Variants in RBFOX1 observed in about 807,000 individuals in gnomAD.
RBFOX1 encodes the protein RNA binding fox-1 homolog 1.
A neutral mutation model predicts 57.7 loss-of-function variants in RBFOX1; 8 were observed. The observed-to-expected ratio is 0.14, with a 90% confidence interval of 0.08 to 0.25. RBFOX1 has a LOEUF of 0.25. Among genes scored for constraint, RBFOX1 ranks in the 10% least tolerant of loss-of-function variants. RBFOX1 has a pLI of 1.00. For missense variants in RBFOX1, 611 were observed against 548.5 expected (o/e 1.11, Z -1.14); for synonymous variants, 326 against 222.4 (o/e 1.47, Z -4.15).
chr16:7,506,644 T>G (rs1429742697), intron 4 of RBFOX1, among the ~76,000 whole-genome samples: 1 of 152,186 alleles, frequency 6.6e-6, no homozygotes, highest in Non-Finnish European at 1.5e-5. Context: ...TCTTATGGAT[T>G]CAGTAACAAG....
At chr16:7,381,586 G>A (rs1005747658) in intron 4 of RBFOX1, among the ~76,000 whole-genome samples, 1 of 151,358 alleles carries the variant, frequency 6.6e-6, no homozygotes, top group African/African-American at 2.4e-5. Context: ...TTTTGGCATT[G>A]GTGCCTGTTC....
intron 2 of RBFOX1, among the ~76,000 whole-genome samples, chr16:5,559,171 A>C (rs1257514436): frequency 6.7e-6 from 1 of 150,134 alleles, no homozygotes; most frequent in Non-Finnish European, 1.5e-5. Context: ...CAGGCAAAAA[A>C]AAAAAAAAAA....
At chr16:5,810,302 G>A (rs2055375148) in intron 3 of RBFOX1, among the ~76,000 whole-genome samples, 1 of 152,056 alleles carries the variant, frequency 6.6e-6, no homozygotes, top group Admixed American at 6.6e-5. Context: ...TTGTGCACAT[G>A]TATCCTAAAA....
At chr16:5,322,137 T>C (rs1596514943) in intron 1 of RBFOX1, among the ~76,000 whole-genome samples, 2 of 152,186 alleles carry the variant, frequency 1.3e-5, no homozygotes, top group Admixed American at 6.5e-5. Context: ...CTCTGAGTCA[T>C]ATTTTCCAGG....
At chr16:5,933,566 A>G (rs1000193064) in intron 4 of RBFOX1, among the ~76,000 whole-genome samples, 6 of 152,126 alleles carry the variant, frequency 3.9e-5, no homozygotes, top group African/African-American at 1.2e-4. Context: ...ACACAGAAAA[A>G]CAGAAATTGC....
intron 2 of RBFOX1, among the ~76,000 whole-genome samples, chr16:6,625,369 C>A (rs2098290648): frequency 1.3e-5 from 2 of 151,940 alleles, no homozygotes; most frequent in African/African-American, 4.8e-5. Context: ...GAGACAACAA[C>A]AATTTGAGTG....
intron 1 of RBFOX1, among the ~76,000 whole-genome samples, chr16:6,199,727 G>C (rs2097203085): frequency 6.6e-6 from 1 of 152,140 alleles, no homozygotes; most frequent in Admixed American, 6.6e-5. Flanking sequence ...AGTTTTATCT[G>C]TGAAAACCAG....
chr16:5,502,186 G>C (rs1402232701), intron 2 of RBFOX1, among the ~76,000 whole-genome samples: 1 of 152,182 alleles, frequency 6.6e-6, no homozygotes, highest in African/African-American at 2.4e-5. Flanking sequence ...GGGGGTGAAT[G>C]AGATGGCATG....
chr16:6,813,591 CCT>C (rs1227719141), intron 3 of RBFOX1, among the ~76,000 whole-genome samples: 2 of 152,290 alleles, frequency 1.3e-5, no homozygotes, highest in African/African-American at 4.8e-5. Context: ...TGCATCCAAA[CCT>C]CTCTCTCCAC....
At chr16:6,745,755 C>G (rs935386010) in intron 3 of RBFOX1, among the ~76,000 whole-genome samples, 1 of 152,156 alleles carries the variant, frequency 6.6e-6, no homozygotes, top group African/African-American at 2.4e-5. Context: ...TATGCTTTCA[C>G]CACTTCCCTT....
chr16:5,811,543 C>T (rs1251574095), intron 3 of RBFOX1, among the ~76,000 whole-genome samples: 5 of 151,412 alleles, frequency 3.3e-5, no homozygotes, highest in Admixed American at 3.3e-4. Context: ...CTCTGCCTTC[C>T]AGGTTAAAGT....
At position 5,510,704 on chromosome 16, in the gene RBFOX1, C is replaced by A. The variant is rs140090743; in HGVS notation, c.258+43450C>A. ...CTACTGCATTTAAAGCTCTTGGAACCAAGCTTGGTACCTAGTAAAACTCAG... is the reference window on the plus strand; with the variant it reads ...CTACTGCATTTAAAGCTCTTGGAACAAAGCTTGGTACCTAGTAAAACTCAG... On this transcript the variant is annotated intron_variant, in intron 2 of 2. Coordinates refer to the RBFOX1 transcript ENST00000585867. Among the ~76,000 whole-genome samples the A allele has an allele frequency of 4.1e-4, 63 of 152,202 alleles. 1 individual carries two copies. The South Asian group carries it at 5.6e-3, about 14-fold the overall frequency.
At chr16:7,321,918 C>T (rs1263065593) in intron 4 of RBFOX1, among the ~76,000 whole-genome samples, 2 of 152,144 alleles carry the variant, frequency 1.3e-5, no homozygotes, top group African/African-American at 4.8e-5. Flanking sequence ...AGCAGTCAGC[C>T]CCTTGGCTAA....
At chr16:6,124,552 G>A (rs985996554) in intron 1 of RBFOX1, among the ~76,000 whole-genome samples, 3 of 152,022 alleles carry the variant, frequency 2.0e-5, no homozygotes, top group Admixed American at 2.0e-4. Flanking sequence ...GCCCAGACTG[G>A]GGTGCAGTGG....
At chr16:5,558,298 C>A (rs768573239) in intron 2 of RBFOX1, among the ~76,000 whole-genome samples, 2 of 152,178 alleles carry the variant, frequency 1.3e-5, no homozygotes, top group Non-Finnish European at 2.9e-5. Flanking sequence ...TAACACACGC[C>A]TACTGGGCTT....
chr16:6,104,342 T>C (rs1284683299), intron 1 of RBFOX1, among the ~76,000 whole-genome samples: 3 of 152,158 alleles, frequency 2.0e-5, no homozygotes, highest in Admixed American at 1.3e-4. Flanking sequence ...CTTTAGAACT[T>C]AAAGAATAAA....
intron 1 of RBFOX1, among the ~76,000 whole-genome samples, chr16:6,246,400 C>T (rs2097569246): frequency 1.3e-5 from 2 of 152,134 alleles, no homozygotes; most frequent in South Asian, 4.1e-4. Context: ...ATGATCTCCC[C>T]TTTCCCCAAA....
At chr16:6,477,754 C>A (rs1281120767) in intron 2 of RBFOX1, among the ~76,000 whole-genome samples, 7 of 152,198 alleles carry the variant, frequency 4.6e-5, no homozygotes, top group Admixed American at 4.6e-4. Context: ...ATACCATCTT[C>A]TTCCAAGAGA....
At chr16:7,396,249 T>TCTACACCG (rs1454026494) in intron 4 of RBFOX1, among the ~76,000 whole-genome samples, 1 of 152,170 alleles carries the variant, frequency 6.6e-6, no homozygotes, top group African/African-American at 2.4e-5. Context: ...TGTCTACCTG[T>TCTACACCG]CTACACCGGC....
Sources: allele counts gnomAD v4.1 joint callset (sites outside exome capture counted in the v4.1 genomes callset), GRCh38; gene constraint gnomAD v4.1.1; transcripts MANE v1.5; gene names NCBI Gene and HGNC (gene_info 2026-07-23, HGNC 2026-07-21).